HMBOX1: variants seen among roughly 807,000 people sequenced by gnomAD.
HMBOX1 encodes the protein homeobox containing 1.
A neutral mutation model predicts 54.5 loss-of-function variants in HMBOX1; 14 were observed. The observed-to-expected ratio is 0.26, with a 90% confidence interval of 0.17 to 0.40. The LOEUF (loss-of-function observed/expected upper bound fraction) is 0.40. HMBOX1 is among the 10% of genes least tolerant of loss of function. The probability of loss-of-function intolerance (pLI) is 1.00; values close to 1 mark genes in which losing one functional copy is unlikely to be tolerated. For missense variants in HMBOX1, 332 were observed against 514.4 expected, an observed-to-expected ratio of 0.65 and a Z score of 3.43; for synonymous variants, 160 against 181.0, an observed-to-expected ratio of 0.88 and a Z score of 0.93.
At chr8:28,965,336 A>G (rs1335287335) in intron 2 of HMBOX1, among the ~76,000 whole-genome samples, 4 of 152,258 alleles carry the variant, frequency 2.6e-5, no homozygotes, top group Non-Finnish European at 5.9e-5. Context: ...TAAGATGATC[A>G]AAGTATGATT....
chr8:29,035,440 A>T (rs1294439397), intron 6 of HMBOX1, among the ~76,000 whole-genome samples: 1 of 151,810 alleles, frequency 6.6e-6, no homozygotes, highest in Non-Finnish European at 1.5e-5. Flanking sequence ...CACCTTACAA[A>T]CCTCTTTGGT....
intron 4 of HMBOX1, among the ~76,000 whole-genome samples, chr8:28,997,572 G>A (rs1586369479): frequency 6.6e-6 from 1 of 151,854 alleles, no homozygotes; most frequent in African/African-American, 2.4e-5. Context: ...TTTGAGACTG[G>A]GTCTCACTCT....
At chr8:28,924,913 CTTTTTTTTT>C (rs368684931) in intron 1 of HMBOX1, among the ~76,000 whole-genome samples, 7 of 126,398 alleles carry the variant, frequency 5.5e-5, no homozygotes, top group Non-Finnish European at 1.2e-4. Flanking sequence ...CGCCCAGCCT[CTTTTTTTTT>C]TTTTTTTTTC....
chr8:29,022,900 T>TA (rs903680602), intron 6 of HMBOX1, among the ~76,000 whole-genome samples: 1 of 151,696 alleles, frequency 6.6e-6, no homozygotes, highest in Non-Finnish European at 1.5e-5. Flanking sequence ...AGGTGACCTT[T>TA]AAAAAATAAC....
At chr8:28,958,730 G>A (rs1034457903) in intron 1 of HMBOX1, among the ~76,000 whole-genome samples, 2 of 152,038 alleles carry the variant, frequency 1.3e-5, no homozygotes, top group African/African-American at 4.8e-5. Flanking sequence ...AATGCTTTTA[G>A]TGTTTTGCTG....
chr8:28,978,615 C>T (rs1442095423), intron 3 of HMBOX1, among the ~76,000 whole-genome samples: 2 of 151,920 alleles, frequency 1.3e-5, no homozygotes, highest in South Asian at 2.1e-4. Flanking sequence ...GGTGAAACCC[C>T]GACTCTACTA....
chr8:28,961,240 T>TA (rs1444669757), intron 1 of HMBOX1, among the ~76,000 whole-genome samples: 1 of 152,248 alleles, frequency 6.6e-6, no homozygotes, highest in Admixed American at 6.5e-5. Context: ...ACATAAAATC[T>TA]ACCATTTTAA....
intron 6 of HMBOX1, among the ~76,000 whole-genome samples, chr8:29,030,966 C>T (rs1802873123): frequency 6.6e-6 from 1 of 152,102 alleles, no homozygotes; most frequent in Non-Finnish European, 1.5e-5. Context: ...GTTCACCTAC[C>T]TTTTTATCAG....
At chr8:28,901,886 G>A (rs1813301453) in intron 1 of HMBOX1, among the ~76,000 whole-genome samples, 1 of 151,920 alleles carries the variant, frequency 6.6e-6, no homozygotes. Flanking sequence ...CCCACTTAAT[G>A]TATTTGTATA....
chr8:28,904,911 G>T (rs865947399), intron 1 of HMBOX1, among the ~76,000 whole-genome samples: 1 of 152,028 alleles, frequency 6.6e-6, no homozygotes, highest in African/African-American at 2.4e-5. Context: ...TCCTGACCTC[G>T]TGATCCACCC....
At chr8:29,005,272 A>G (rs140068560) in intron 4 of HMBOX1, among the ~76,000 whole-genome samples, 26 of 152,332 alleles carry the variant, frequency 1.7e-4, no homozygotes, top group African/African-American at 6.3e-4. Flanking sequence ...AATAACCAGT[A>G]AAGCTCTGTA....
Position 28,990,692 on chromosome 8 carries a change from G to C in HMBOX1, c.586+10536G>C, listed in dbSNP as rs1183307751. ...TCTTTTTCAGACGGTGTCTTGCTCT[G>C]TCTCCCAGGCTGGAGTGGAGTGGCG... is the stretch of plus-strand genomic sequence containing the variant. On this transcript the variant is annotated intron_variant, in intron 4 of 9. Coordinates refer to ENST00000287701, the MANE Select transcript of HMBOX1 (RefSeq NM_001135726.3). 3.3e-5 allele frequency among the ~76,000 whole-genome samples: 5 copies of C among 151,942 alleles called. No homozygotes were observed. In the East Asian group the frequency reaches 9.7e-4, roughly 29 times the overall value.
At chr8:29,029,999 C>G (rs1380193007) in intron 6 of HMBOX1, among the ~76,000 whole-genome samples, 2 of 151,824 alleles carry the variant, frequency 1.3e-5, no homozygotes, top group East Asian at 1.9e-4. Context: ...TCCTTACCTT[C>G]TGGTACTTTA....
intron 6 of HMBOX1, among the ~76,000 whole-genome samples, chr8:29,038,969 T>C (rs1042410951): frequency 2.6e-5 from 4 of 152,188 alleles, no homozygotes; most frequent in African/African-American, 9.7e-5. Flanking sequence ...CTTTCATGAC[T>C]CTTTCACTGC....
rs563819251 is a variant in HMBOX1, at chr8:28,974,503, TAAC to T, written c.500+3988_500+3990del. ...TGCCATACATTAAGGATATTATTCT[TAAC>T]AACCCATGTACTAAATTTTATGATA... On this transcript the variant is annotated intron_variant, in intron 3 of 9. Transcript: ENST00000287701. 1.1e-4 allele frequency among the ~76,000 whole-genome samples: 17 copies of T among 152,290 alleles called. No homozygotes were observed. In the East Asian group the frequency reaches 2.1e-3, roughly 19 times the overall value.
chr8:28,960,696 C>T (rs1437557224), intron 1 of HMBOX1, among the ~76,000 whole-genome samples: 1 of 133,222 alleles, frequency 7.5e-6, no homozygotes, highest in Non-Finnish European at 1.6e-5. Flanking sequence ...GTGTTTGTAA[C>T]TCTTATATCT....
intron 6 of HMBOX1, among the ~76,000 whole-genome samples, chr8:29,027,912 A>G (rs1802321637): frequency 6.6e-6 from 1 of 152,080 alleles, no homozygotes; most frequent in African/African-American, 2.4e-5. Context: ...TGCGTGTTTT[A>G]TTTTTCTTAT....
At chr8:28,972,344 C>G (rs561793524) in intron 3 of HMBOX1, among the ~76,000 whole-genome samples, 9 of 152,306 alleles carry the variant, frequency 5.9e-5, no homozygotes, top group African/African-American at 2.2e-4. Context: ...TCCTGAGTAG[C>G]TGGGACTGCA....
chr8:28,967,054 C>T (rs1419683671), intron 2 of HMBOX1, among the ~76,000 whole-genome samples: 1 of 152,210 alleles, frequency 6.6e-6, no homozygotes, highest in Non-Finnish European at 1.5e-5. Context: ...TTCTTCCTCC[C>T]ATGAACTAGC....
Sources: gnomAD v4.1 joint callset for allele counts (sites outside exome capture counted in the v4.1 genomes callset) on GRCh38, gnomAD v4.1.1 for gene constraint, MANE v1.5 for transcripts, NCBI Gene and HGNC (gene_info 2026-07-23, HGNC 2026-07-21) for gene names.